MDGA2: variants seen among roughly 807,000 people sequenced by gnomAD.
MDGA2 encodes MAM domain containing glycosylphosphatidylinositol anchor 2.
A neutral mutation model predicts 117.8 loss-of-function variants in MDGA2; 40 were observed. The ratio of observed to expected loss-of-function variants is 0.34; its 90% confidence interval spans 0.26 to 0.44. MDGA2 has a LOEUF of 0.44. Among genes scored for constraint, MDGA2 ranks in the 20% least tolerant of loss-of-function variants. MDGA2 has a pLI of 1.00. For missense variants in MDGA2, 1,123 were observed against 1,250.6 expected, an observed-to-expected ratio of 0.90 and a Z score of 1.54; for synonymous variants, 452 against 439.0, an observed-to-expected ratio of 1.03 and a Z score of -0.37.
At chr14:47,456,737 T>A (rs1259479377) in intron 1 of MDGA2, among the ~76,000 whole-genome samples, 2 of 152,182 alleles carry the variant, frequency 1.3e-5, no homozygotes, top group Non-Finnish European at 2.9e-5. Context: ...AATAAACTCT[T>A]TGAAGAAAGA....
chr14:47,542,924 T>C (rs755687497), intron 1 of MDGA2, among the ~76,000 whole-genome samples: 1 of 152,190 alleles, frequency 6.6e-6, no homozygotes, highest in Non-Finnish European at 1.5e-5. Context: ...AAAATAGATG[T>C]ATAGGCTGGG....
intron 1 of MDGA2, among the ~76,000 whole-genome samples, chr14:47,414,009 C>T (rs1312211454): frequency 6.6e-6 from 1 of 151,996 alleles, no homozygotes; most frequent in African/African-American, 2.4e-5. Flanking sequence ...ATGTGAGAGT[C>T]TATTCAGAAG....
In MDGA2 at chr14:47,592,309, A is replaced by G. The variant is rs923474156; in HGVS notation, c.280+82208T>C. On this transcript the variant is annotated intron_variant, in intron 1 of 16. Coordinates refer to ENST00000399232, the MANE Select transcript of MDGA2 (RefSeq NM_001113498.3). ...AAGAATCAATATCATGAAAATGGCC[A>G]TATTTCCCAAAGCAATTTATACATT... is the stretch of plus-strand genomic sequence containing the variant. Among the ~76,000 whole-genome samples, 5 of 152,218 alleles carry G rather than the reference A, an allele frequency of 3.3e-5. No homozygotes were observed. In the East Asian group the frequency reaches 5.8e-4, roughly 18 times the overall value.
At chr14:47,348,165 ATATG>A (rs1206609109) in intron 1 of MDGA2, among the ~76,000 whole-genome samples, 2 of 45,712 alleles carry the variant, frequency 4.4e-5, no homozygotes, top group Non-Finnish European at 9.6e-5. Flanking sequence ...CTCTCTCTGT[ATATG>A]TGTGTGTGTG....
intron 1 of MDGA2, among the ~76,000 whole-genome samples, chr14:47,503,551 C>T (rs2138677017): frequency 6.6e-6 from 1 of 151,778 alleles, no homozygotes; most frequent in African/African-American, 2.4e-5. Context: ...GCTACAGGCA[C>T]CCGCCACCAC....
chr14:47,320,492 T>C (rs1889948026), intron 1 of MDGA2, among the ~76,000 whole-genome samples: 1 of 152,150 alleles, frequency 6.6e-6, no homozygotes, highest in Admixed American at 6.5e-5. Flanking sequence ...AATGATAGCA[T>C]CCGATACATC....
intron 10 of MDGA2, among the ~76,000 whole-genome samples, chr14:46,886,989 A>G (rs1000686822): frequency 6.6e-6 from 1 of 152,058 alleles, no homozygotes; most frequent in Non-Finnish European, 1.5e-5. Flanking sequence ...ATGAGATCTA[A>G]AAATACGATC....
rs1885610338 is a variant in MDGA2, at chr14:46,957,522, C to G, written c.1941G>C (p.Leu647Phe). 2 of 1,613,946 alleles carry G rather than the reference C, an allele frequency of 1.2e-6. No individual in the cohort carries two copies. Among genetic ancestry groups the G allele is most frequent in the African/African-American group, 1.3e-5 (1 of 74,888 alleles). Reference sequence around the variant, plus strand: ...GACCCGTCCGTAATAATTTATTGCCCAAGCGCCACTCATAGGTCAGCACCC... The same window carrying G: ...GACCCGTCCGTAATAATTTATTGCCGAAGCGCCACTCATAGGTCAGCACCC... ...PIRVLTYEWRLGNKLLRTGQF... is the reference protein window; with the variant it reads ...PIRVLTYEWRFGNKLLRTGQF... Residue 647 changes from leucine (L) to phenylalanine (F), a missense_variant, in exon 9 of 17, where the codon TTG becomes TTC. Leu to Phe is a conservative substitution (Grantham distance 22). Coordinates refer to ENST00000399232, the MANE Select transcript of MDGA2 (RefSeq NM_001113498.3).
At chr14:47,191,419 C>CAT (rs59188931) in intron 3 of MDGA2, among the ~76,000 whole-genome samples, 30,313 of 143,326 alleles carry the variant, frequency 0.21, 3,273 homozygotes, top group East Asian at 0.29. Flanking sequence ...TATATATTTA[C>CAT]ATATATATAT....
chr14:47,361,328 G>C (rs918137260), intron 1 of MDGA2, among the ~76,000 whole-genome samples: 1 of 151,858 alleles, frequency 6.6e-6, no homozygotes, highest in Non-Finnish European at 1.5e-5. Flanking sequence ...ATCTGCAAGC[G>C]AAGGAGAGAG....
intron 3 of MDGA2, among the ~76,000 whole-genome samples, chr14:47,175,068 C>T (rs541328405): frequency 9.9e-5 from 15 of 151,832 alleles, no homozygotes; most frequent in African/African-American, 1.7e-4. Flanking sequence ...ATAAATTCCT[C>T]GACACATACA....
chr14:47,073,372 T>C (rs1363574885), intron 6 of MDGA2, among the ~76,000 whole-genome samples: 2 of 152,214 alleles, frequency 1.3e-5, no homozygotes, highest in Non-Finnish European at 2.9e-5. Flanking sequence ...TGTTGTACGG[T>C]TAGCTCTATA....
In MDGA2 at chr14:47,301,394, CA is replaced by C; in HGVS notation, c.420+16del. ...AGTCAGAGAATGTTTTCTCCAGTGT[CA>C]CAGTTCGGGACTCACCTGTGGACGT... On this transcript the variant is annotated intron_variant, in intron 2 of 16. Transcript: ENST00000399232. The C allele has an allele frequency of 6.4e-7, 1 of 1,550,432 alleles. No individual in the cohort carries two copies.
chr14:47,157,298 T>G (rs906437763), intron 3 of MDGA2, among the ~76,000 whole-genome samples: 4 of 152,178 alleles, frequency 2.6e-5, no homozygotes, highest in Non-Finnish European at 5.9e-5. Flanking sequence ...TCTATAAAAC[T>G]TAGATTCATT....
rs1239266354 is a variant in MDGA2, at chr14:47,663,307, T to G, written c.280+11210A>C. The stretch of plus-strand genomic sequence containing the variant: ...CTCATTTCACATAATGGGAAAAATC[T>G]TCTCAACTAACAATTTTTGTTGTCT... On this transcript the variant is annotated intron_variant, in intron 1 of 16. Transcript: ENST00000399232. Among the ~76,000 whole-genome samples, 5 of 152,222 alleles carry G rather than the reference T, an allele frequency of 3.3e-5. No individual in the cohort carries two copies. The East Asian group carries it at 9.6e-4, about 29-fold the overall frequency.
intron 2 of MDGA2, among the ~76,000 whole-genome samples, chr14:47,259,884 T>A (rs539949645): frequency 6.6e-6 from 1 of 152,044 alleles, no homozygotes; most frequent in Non-Finnish European, 1.5e-5. Flanking sequence ...GAAGACTCAA[T>A]GTTGCCACCA....
intron 1 of MDGA2, among the ~76,000 whole-genome samples, chr14:47,333,628 C>A (rs930906955): frequency 2.6e-5 from 4 of 151,594 alleles, no homozygotes; most frequent in African/African-American, 9.7e-5. Flanking sequence ...AATCACAGTT[C>A]CACTATCAAC....
rs1465558648 is a variant in MDGA2 at position 46,855,527 on chromosome 14, A to C, written c.2753-373T>G. 6.6e-6 allele frequency among the ~76,000 whole-genome samples: 1 copy of C among 152,160 alleles called. No homozygotes were observed. Among genetic ancestry groups the C allele is most frequent in the Admixed American group, 6.6e-5 (1 of 15,260 alleles). ...AGGCCATGAGAGATAGAGATGTTAC[A>C]TGGCTGGTTTCCAAGATGGAGGAAG... On this transcript the variant is annotated intron_variant, in intron 14 of 16. Coordinates refer to ENST00000399232, the MANE Select transcript of MDGA2 (RefSeq NM_001113498.3). This position sits in a 1 kb window ranked among gnomAD's most constrained non-coding sequence, Gnocchi z 4.1.
chr14:46,913,161 T>C (rs1883770056), intron 10 of MDGA2, among the ~76,000 whole-genome samples: 2 of 152,168 alleles, frequency 1.3e-5, no homozygotes, highest in Admixed American at 6.5e-5. Context: ...TTTAACGTTT[T>C]CTTAATTCCA....
Sources: allele counts gnomAD v4.1 joint callset (sites outside exome capture counted in the v4.1 genomes callset), GRCh38; gene constraint gnomAD v4.1.1; non-coding constraint Gnocchi (gnomAD v3.1); transcripts MANE v1.5; gene names NCBI Gene and HGNC (gene_info 2026-07-23, HGNC 2026-07-21).